Variants in EPRS1 observed in about 807,000 individuals in gnomAD.
EPRS1 encodes glutamyl-prolyl-tRNA synthetase 1.
Under a neutral mutation model 188.3 loss-of-function variants are expected in EPRS1, and 107 were observed. That is an observed-to-expected ratio of 0.57 (90% confidence interval 0.49 to 0.67). EPRS1 has a LOEUF of 0.67. EPRS1 is among the 30% of genes least tolerant of loss of function. The pLI, the probability that EPRS1 is intolerant of heterozygous loss-of-function variation, is 0.00. For synonymous variants in EPRS1, 596 were observed against 593.1 expected, an observed-to-expected ratio of 1.00 and a Z score of -0.07; for missense variants, 1,577 against 1,802.2, an observed-to-expected ratio of 0.88 and a Z score of 2.26.
chr1:220,009,152 T>C (rs965448065), intron 13 of EPRS1, among the ~76,000 whole-genome samples: 3 of 152,144 alleles, frequency 2.0e-5, no homozygotes, highest in Admixed American at 1.3e-4. Flanking sequence ...CAATCAGATA[T>C]AAAGAAAGAC....
At chr1:219,980,332 G>A in intron 25 of EPRS1, 92 bp from the exon 26 acceptor site, 8 of 942,934 alleles carry the variant, frequency 8.5e-6, no homozygotes, top group South Asian at 5.4e-5. Flanking sequence ...TAATTGTGTG[G>A]GAAAAGCAAT....
chr1:220,040,787 T>A (rs1571701354), intron 1 of EPRS1, among the ~76,000 whole-genome samples: 1 of 150,206 alleles, frequency 6.7e-6, no homozygotes, highest in South Asian at 2.1e-4. Flanking sequence ...GAGGTGGAGG[T>A]TGTGGTGAGC....
Position 220,010,970 on chromosome 1 carries a change from C to T in EPRS1, c.1581G>A (p.Met527Ile). Residue 527 changes from methionine (M) to isoleucine (I), a missense_variant, in exon 13 of 32, where the codon ATG becomes ATA. Physicochemically the swap from Met to Ile is conservative, Grantham distance 10. Around this residue, in one of 3 missense-constraint regions of EPRS1, gnomAD observed 1,278 missense variants for 1,457.4 expected, o/e 0.88. Coordinates refer to ENST00000366923, the MANE Select transcript of EPRS1 (RefSeq NM_004446.3). ...CCTTTGGGTGTTTGGCTACTTCTTTCATCTCCTCCTGAGCTTCAGGTACAT... is the reference window on the plus strand; with the variant it reads ...CCTTTGGGTGTTTGGCTACTTCTTTTATCTCCTCCTGAGCTTCAGGTACAT... ...PVNVPEAQEE[M>I]KEVAKHPKNP... The T allele has an allele frequency of 3.1e-6, 5 of 1,611,332 alleles. No individual in the cohort carries two copies. The African/African-American group carries it at 5.3e-5, about 17-fold the overall frequency.
At position 219,980,153 on chromosome 1, in the gene EPRS1, T is replaced by C; in HGVS notation, c.3643A>G (p.Lys1215Glu). 1 of 1,613,888 alleles carries C rather than the reference T, an allele frequency of 6.2e-7. No homozygotes were observed. Among genetic ancestry groups the C allele is most frequent in the Non-Finnish European group, 8.5e-7 (1 of 1,179,862 alleles). ...VVKGRKTEKE[K>E]FAGGDYTTTI... The stretch of plus-strand genomic sequence containing the variant: ...GTTGTATAGTCTCCTCCTGCAAATT[T>C]TTCCTTTTCCGTCTTTCTTCCTTTA... Residue 1215 changes from lysine to glutamate, a missense_variant, in exon 26 of 32, where the codon AAA (lysine) becomes GAA (glutamate). Physicochemically the swap from Lys to Glu is moderately conservative, Grantham distance 56 (BLOSUM62 1). Coordinates refer to ENST00000366923, the MANE Select transcript of EPRS1 (RefSeq NM_004446.3).
In EPRS1 at chr1:219,969,091, T is replaced by C; in HGVS notation, c.4355A>G (p.Asp1452Gly). ...GGTCTTTTTGATCCAGTCCTCACAGTCAATTTCCCCACAGAATGGAATCTG... is the reference window on the plus strand; with the variant it reads ...GGTCTTTTTGATCCAGTCCTCACAGCCAATTTCCCCACAGAATGGAATCTG... ...IVQIPFCGEI[D>G]CEDWIKKTTA... The change falls in exon 31 of 32, where the codon GAC becomes GGC. Residue 1452 changes from aspartate to glycine, a missense_variant. Around this residue, in one of 3 missense-constraint regions of EPRS1, gnomAD observed 296 missense variants for 327.9 expected, o/e 0.90. Coordinates refer to ENST00000366923, the MANE Select transcript of EPRS1 (RefSeq NM_004446.3). The C allele has an allele frequency of 1.2e-6, 2 of 1,612,864 alleles. No homozygotes were observed. Among genetic ancestry groups the C allele is most frequent in the Admixed American group, 1.7e-5 (1 of 60,022 alleles).
chr1:220,015,432 C>T (rs1661683170), intron 12 of EPRS1, among the ~76,000 whole-genome samples: 1 of 152,022 alleles, frequency 6.6e-6, no homozygotes, highest in Non-Finnish European at 1.5e-5. Flanking sequence ...CACTGCATTC[C>T]AGCCTGGGCG....
At chr1:219,981,903 G>T (rs1296341183) in intron 23 of EPRS1, among the ~76,000 whole-genome samples, 1 of 152,166 alleles carries the variant, frequency 6.6e-6, no homozygotes, top group Non-Finnish European at 1.5e-5. Flanking sequence ...TAAACAATTT[G>T]CTGAATCCAG....
At chr1:220,010,290 T>A (rs2102583001) in intron 13 of EPRS1, among the ~76,000 whole-genome samples, 1 of 152,132 alleles carries the variant, frequency 6.6e-6, no homozygotes, top group South Asian at 2.1e-4. Flanking sequence ...AGATTCCATA[T>A]AAAGATAGGA....
chr1:219,985,687 G>T (rs1407265881), intron 20 of EPRS1, among the ~76,000 whole-genome samples: 2 of 152,140 alleles, frequency 1.3e-5, no homozygotes, highest in African/African-American at 2.4e-5. Flanking sequence ...TTACAGGTGT[G>T]AACCACCACG....
chr1:220,001,404 C>T (rs1049277420), intron 16 of EPRS1, 149 bp from the exon 17 acceptor site: 9 of 612,408 alleles, frequency 1.5e-5, no homozygotes, highest in East Asian at 2.8e-5. Context: ...CTCACTCTGT[C>T]GCCCAGGCTG....
intron 8 of EPRS1, 48 bp from the exon 9 acceptor site, chr1:220,022,566 A>G (rs1661898275): frequency 4.3e-6 from 6 of 1,403,686 alleles, no homozygotes; most frequent in Non-Finnish European, 5.9e-6. Context: ...GTTAAATTCA[A>G]ATTATTCTCA....
At chr1:220,029,566 T>C (rs941982149) in intron 6 of EPRS1, among the ~76,000 whole-genome samples, 1 of 152,180 alleles carries the variant, frequency 6.6e-6, no homozygotes, top group East Asian at 1.9e-4. Context: ...ATACAAAATC[T>C]GAAAAAATTA....
At chr1:219,980,366 A>AT in intron 25 of EPRS1, 126 bp from the exon 26 acceptor site, 1 of 684,760 alleles carries the variant, frequency 1.5e-6, no homozygotes, top group Non-Finnish European at 2.4e-6. Context: ...ACCTCTTTTT[A>AT]TGAAAAGGTT....
intron 1 of EPRS1, among the ~76,000 whole-genome samples, chr1:220,043,798 G>A (rs1022419905): frequency 5.3e-5 from 8 of 152,208 alleles, no homozygotes; most frequent in African/African-American, 1.9e-4. Flanking sequence ...AGCTATGAAA[G>A]CCAAGGGAAG....
intron 27 of EPRS1, 148 bp downstream of exon 27, chr1:219,979,270 C>T (rs1660845250): frequency 1.7e-6 from 1 of 586,532 alleles, no homozygotes; most frequent in African/African-American, 1.9e-5. Flanking sequence ...AGTCACAAAA[C>T]ACTAGGGTCC....
intron 2 of EPRS1, among the ~76,000 whole-genome samples, chr1:220,035,858 G>A (rs1395693658): frequency 2.0e-5 from 3 of 152,066 alleles, no homozygotes; most frequent in Non-Finnish European, 2.9e-5. Context: ...AAGGAGCCAA[G>A]AATCTATTGC....
chr1:219,997,433 T>G (rs1244899692), intron 17 of EPRS1, 91 bp from the exon 18 acceptor site: 2 of 1,176,144 alleles, frequency 1.7e-6, no homozygotes, highest in African/African-American at 3.1e-5. Flanking sequence ...TTATAATGTT[T>G]CCAATTAAAA....
At chr1:219,987,103 C>T in intron 20 of EPRS1, 39 bp downstream of exon 20, 1 of 1,575,434 alleles carries the variant, frequency 6.3e-7, no homozygotes, top group African/African-American at 1.4e-5. Context: ...TGAATTAATT[C>T]ACTGCTTTGC....
At chr1:220,036,181 C>T (rs574426973) in intron 2 of EPRS1, among the ~76,000 whole-genome samples, 154 of 152,258 alleles carry the variant, frequency 1.0e-3, no homozygotes, top group African/African-American at 1.4e-3. Flanking sequence ...GCCTGGGCAG[C>T]GGAGCAAGAC....
Sources: gnomAD v4.1 joint callset for allele counts (sites outside exome capture counted in the v4.1 genomes callset) on GRCh38, gnomAD v4.1.1 for gene constraint, gnomAD v4.1.1 regional missense constraint, MANE v1.5 for transcripts, NCBI Gene and HGNC (gene_info 2026-07-23, HGNC 2026-07-21) for gene names.